Variants in KCNN1 observed in about 807,000 individuals in gnomAD.
KCNN1 encodes the protein small conductance calcium-activated potassium channel protein 1.
KCNN1 carries 20 observed loss-of-function variants against 44.7 expected under a neutral mutation model. The ratio of observed to expected loss-of-function variants is 0.45; its 90% CI spans 0.32 to 0.65. The LOEUF (loss-of-function observed/expected upper bound fraction) is 0.65. KCNN1 is among the 30% of genes least tolerant of loss of function. The pLI is 0.05. For missense variants in KCNN1, 632 were observed against 785.3 expected, an observed-to-expected ratio of 0.80 and a Z score of 2.33; for synonymous variants, 324 against 341.7, an observed-to-expected ratio of 0.95 and a Z score of 0.57.
intron 4 of KCNN1, among the ~76,000 whole-genome samples, chr19:17,984,162 CA>C (rs527690149): frequency 1.1e-3 from 153 of 139,122 alleles, no homozygotes; most frequent in Non-Finnish European, 1.1e-3. Context: ...GATATTGTCT[CA>C]AAAAAAAAAA....
intron 1 of KCNN1, among the ~76,000 whole-genome samples, chr19:17,952,921 G>C (rs1437228993): frequency 6.6e-6 from 1 of 152,170 alleles, no homozygotes; most frequent in African/African-American, 2.4e-5. Flanking sequence ...ACCCAGCTGG[G>C]CTGGGGCAGA....
At chr19:17,969,716 G>A (rs1323102915) in intron 1 of KCNN1, among the ~76,000 whole-genome samples, 2 of 152,218 alleles carry the variant, frequency 1.3e-5, no homozygotes, top group Admixed American at 6.5e-5. Context: ...GGCCATCGGA[G>A]GCCTACACCC....
chr19:17,974,303 C>CT lies in KCNN1; in HGVS notation c.402+14dup. On this transcript the variant is annotated intron_variant, in intron 2 of 9. Coordinates refer to ENST00000684775, the MANE Select transcript of KCNN1 (RefSeq NM_001386974.1). This position sits in a 1 kb window ranked among gnomAD's most constrained non-coding sequence, Gnocchi z 7.3. Reference sequence around the variant, plus strand: ...GGTGTACACCAAGGTAGGCGTGGTCCTCCCCCAGGCACTCCAGGGAGGTTC... The same window carrying CT: ...GGTGTACACCAAGGTAGGCGTGGTCCTTCCCCCAGGCACTCCAGGGAGGTTC... 6.5e-7 allele frequency: 1 copy of CT among 1,542,024 alleles called. No individual in the cohort carries two copies. The highest frequency in any genetic ancestry group is 8.7e-7 in the Non-Finnish European group (1 of 1,143,032).
In KCNN1 at chr19:17,993,478, G is replaced by A. The variant is rs376928611; in HGVS notation, c.1308-12G>A. 2.3e-5 allele frequency: 37 copies of A among 1,609,302 alleles called. No individual in the cohort carries two copies. The highest frequency in any genetic ancestry group is 5.3e-5 in the African/African-American group (4 of 74,984). On this transcript the variant is annotated splice_polypyrimidine_tract_variant and intron_variant, in intron 8 of 9. Coordinates refer to ENST00000684775, the MANE Select transcript of KCNN1 (RefSeq NM_001386974.1). The surrounding 1 kb of genome is among the most constrained non-coding windows in gnomAD (Gnocchi z 4.5). Reference sequence around the variant, plus strand: ...CTGCCTAACCCCCTCCCCCAACCCCGTGTCCCCACAGGCTCCGGAGTGTGA... The same window carrying A: ...CTGCCTAACCCCCTCCCCCAACCCCATGTCCCCACAGGCTCCGGAGTGTGA...
chr19:17,960,709 C>T (rs892468434), intron 2 of KCNN1, among the ~76,000 whole-genome samples: 1 of 152,090 alleles, frequency 6.6e-6, no homozygotes, highest in African/African-American at 2.4e-5. Context: ...AGTCCAAAAT[C>T]AAGGTGTTGG....
chr19:17,985,234 G>C, intron 4 of KCNN1, 78 bp from the exon 5 acceptor site: 1 of 1,405,960 alleles, frequency 7.1e-7, no homozygotes, highest in Non-Finnish European at 9.4e-7. Context: ...CAGCCCTGGC[G>C]CTGCCCCAGG....
At chr19:17,973,355 A>G (rs759510213) in intron 1 of KCNN1, among the ~76,000 whole-genome samples, 1 of 152,140 alleles carries the variant, frequency 6.6e-6, no homozygotes, top group African/African-American at 2.4e-5. Flanking sequence ...ATCTTGGCTC[A>G]CTACAGCCTC....
chr19:17,973,723 C>A, intron 1 of KCNN1, 85 bp from the exon 2 acceptor site: 1 of 1,402,092 alleles, frequency 7.1e-7, no homozygotes, highest in Non-Finnish European at 9.3e-7. Context: ...AAACTTAGAA[C>A]GTTCTGGGTT....
chr19:17,965,810 T>C (rs577517668), upstream of KCNN1, among the ~76,000 whole-genome samples: 3 of 152,194 alleles, frequency 2.0e-5, no homozygotes, highest in South Asian at 2.1e-4. Context: ...CTCTATTTCC[T>C]GATTGTCTCA....
intron 9 of KCNN1, among the ~76,000 whole-genome samples, chr19:17,997,472 T>C (rs972807268): frequency 1.3e-5 from 2 of 152,024 alleles, no homozygotes; most frequent in Admixed American, 1.3e-4. Context: ...CACTAGGCCT[T>C]TCCCAGGCCT....
At chr19:17,967,407 C>A in intron 1 of KCNN1, 90 bp downstream of exon 1, 1 of 705,510 alleles carries the variant, frequency 1.4e-6, no homozygotes, top group Non-Finnish European at 1.7e-6. Flanking sequence ...GAGGGGGACG[C>A]GGTTTGGGGC....
intron 3 of KCNN1, 140 bp from the exon 4 acceptor site, chr19:17,981,564 AAAAAG>A (rs1326029777): frequency 5.8e-5 from 41 of 706,334 alleles, no homozygotes; most frequent in South Asian, 1.6e-4. Context: ...AAAAAAAAAA[AAAAAG>A]AAAGAAAGAA....
chr19:17,986,298 G>A (rs186179475), intron 5 of KCNN1, among the ~76,000 whole-genome samples: 2 of 152,064 alleles, frequency 1.3e-5, no homozygotes, highest in Non-Finnish European at 2.9e-5. Flanking sequence ...AGGAGGCAGA[G>A]GTTGTGGTGA....
upstream of KCNN1, among the ~76,000 whole-genome samples, chr19:17,963,065 TG>T (rs1054074642): frequency 7.1e-6 from 1 of 140,980 alleles, no homozygotes; most frequent in African/African-American, 2.7e-5. Context: ...TGGAGTGCAG[TG>T]GCGCGATCTC....
intron 3 of KCNN1, among the ~76,000 whole-genome samples, chr19:17,979,527 G>A (rs1364538039): frequency 1.6e-5 from 2 of 124,814 alleles, no homozygotes; most frequent in African/African-American, 2.9e-5. Flanking sequence ...CAAAAATAGG[G>A]TGGGGGGTGG....
chr19:17,961,185 C>CA (rs202142379), intron 2 of KCNN1, among the ~76,000 whole-genome samples: 8,111 of 90,566 alleles, frequency 0.09, 424 homozygotes, highest in Admixed American at 0.12. Context: ...GACTCTGACT[C>CA]AAAAAAAAAA....
intron 5 of KCNN1, among the ~76,000 whole-genome samples, chr19:17,986,979 C>T (rs1313950588): frequency 6.9e-6 from 1 of 145,978 alleles, no homozygotes; most frequent in African/African-American, 2.5e-5. Context: ...GCTAATTTTT[C>T]TATTTTTAGT....
intron 4 of KCNN1, among the ~76,000 whole-genome samples, chr19:17,982,332 C>T (rs1599366372): frequency 6.6e-6 from 1 of 152,028 alleles, no homozygotes; most frequent in East Asian, 1.9e-4. Context: ...AACCCTGTGT[C>T]CCCAGCTGCC....
chr19:17,969,496 C>A (rs1193410049), intron 1 of KCNN1, among the ~76,000 whole-genome samples: 2 of 151,920 alleles, frequency 1.3e-5, no homozygotes, highest in Admixed American at 1.3e-4. Flanking sequence ...GGAAAGCCCT[C>A]CACCCCTCCA....
Sources: allele counts gnomAD v4.1 joint callset (sites outside exome capture counted in the v4.1 genomes callset), GRCh38; gene constraint gnomAD v4.1.1; non-coding constraint Gnocchi (gnomAD v3.1); transcripts MANE v1.5; gene names NCBI Gene and HGNC (gene_info 2026-07-23, HGNC 2026-07-21).